The following TET1 variants were observed in gnomAD, a reference collection of about 807,000 sequenced individuals.
TET1 encodes the protein tet methylcytosine dioxygenase 1.
Under a neutral mutation model 148.7 loss-of-function variants are expected in TET1, and 13 were observed. The observed-to-expected ratio is 0.09, with a 90% confidence interval of 0.06 to 0.14. The LOEUF is 0.14. TET1 is among the 10% of genes least tolerant of loss of function. The pLI is 1.00. For synonymous variants in TET1, 907 were observed against 937.2 expected (o/e 0.97, Z 0.59); for missense variants, 2,182 against 2,553.8 (o/e 0.85, Z 3.14).
intron 2 of TET1, 66 bp downstream of exon 2, chr10:68,574,318 A>G: frequency 7.7e-7 from 1 of 1,291,642 alleles, no homozygotes; most frequent in Non-Finnish European, 1.1e-6. Flanking sequence ...ATGCAGAGAC[A>G]CTTCTAGTGT....
intron 4 of TET1, among the ~76,000 whole-genome samples, chr10:68,648,740 C>A (rs1209432975): frequency 6.6e-6 from 1 of 152,152 alleles, no homozygotes; most frequent in East Asian, 1.9e-4. Context: ...AATATCCTTC[C>A]ATTTCTCTGC....
intron 2 of TET1, among the ~76,000 whole-genome samples, chr10:68,576,827 C>T (rs2053736390): frequency 6.6e-6 from 1 of 151,982 alleles, no homozygotes; most frequent in Admixed American, 6.6e-5. Flanking sequence ...GCAACTTCTC[C>T]CTCCCAAGTT....
At chr10:68,669,482 T>TTTTTC (rs1301842017) in intron 7 of TET1, among the ~76,000 whole-genome samples, 1 of 143,344 alleles carries the variant, frequency 7.0e-6, no homozygotes, top group African/African-American at 2.6e-5. Flanking sequence ...AGCTTTTTTT[T>TTTTTC]TTTTTTTTTT....
intron 1 of TET1, among the ~76,000 whole-genome samples, chr10:68,569,316 G>A (rs1000868629): frequency 1.3e-5 from 2 of 151,820 alleles, no homozygotes; most frequent in Admixed American, 6.6e-5. Flanking sequence ...GGGACTACAG[G>A]TGCCCGCCAC....
At chr10:68,598,283 C>T (rs1234448176) in intron 2 of TET1, among the ~76,000 whole-genome samples, 2 of 152,120 alleles carry the variant, frequency 1.3e-5, no homozygotes, top group Non-Finnish European at 2.9e-5. Flanking sequence ...CCCAGCTACT[C>T]GGGAGACTGA....
intron 3 of TET1, among the ~76,000 whole-genome samples, chr10:68,637,832 A>G (rs1257688408): frequency 6.6e-6 from 1 of 151,426 alleles, no homozygotes; most frequent in Non-Finnish European, 1.5e-5. Context: ...TGGCGCCACT[A>G]CACTCCAGCA....
intron 10 of TET1, 107 bp downstream of exon 10, chr10:68,683,080 T>C: frequency 7.5e-7 from 1 of 1,335,778 alleles, no homozygotes; most frequent in South Asian, 1.4e-5. Context: ...TCTTAATTTA[T>C]GTGTTATTAG....
chr10:68,646,123 C>T lies in TET1; in HGVS notation c.3394C>T (p.His1132Tyr), dbSNP rs1204024569. Residue 1132 changes from histidine (H) to tyrosine (Y), a missense_variant, in exon 4 of 12, where the codon CAC (histidine) becomes TAC (tyrosine). His to Tyr is a moderately conservative substitution (Grantham distance 83, BLOSUM62 2). Around this residue, in one of 11 missense-constraint regions of TET1, gnomAD observed 582 missense variants for 599.5 expected, o/e 0.97. Transcript: ENST00000373644. ...TIQQKPPSSVHNNHGSSLTKQ... is the reference protein window; with the variant it reads ...TIQQKPPSSVYNNHGSSLTKQ... ...ACAACAGAAACCACCTTCAAGTGTA[C>T]ACAATAATCATGGTTCATCATTAAC... 6.2e-7 allele frequency: 1 copy of T among 1,613,502 alleles called. No individual in the cohort carries two copies. The highest frequency in any genetic ancestry group is 8.5e-7 in the Non-Finnish European group (1 of 1,179,906).
rs1164960678 is a variant in TET1 at position 68,692,746 on chromosome 10, G to A, written c.*932G>A. The A allele has an allele frequency of 3.0e-5, 7 of 230,772 alleles. No individual in the cohort carries two copies. Among genetic ancestry groups the A allele is most frequent in the Non-Finnish European group, 2.6e-5 (3 of 116,732 alleles). 14.3% of individuals were successfully genotyped at this position (230,772 alleles called of 1,614,324 possible). ...ACATTCTCTTTGGAACTAGGTAAGA[G>A]TGGTCTCTTCTTATTGAACAACCTC... On this transcript the variant is annotated 3_prime_UTR_variant, in exon 12 of 12. Transcript: ENST00000373644.
chr10:68,576,576 C>T (rs67117966), intron 2 of TET1, among the ~76,000 whole-genome samples: 43,678 of 151,784 alleles, frequency 0.29, 7,677 homozygotes, highest in Middle Eastern at 0.43. Flanking sequence ...GTGAGAGGAT[C>T]GCCTGATCCT....
At chr10:68,688,618 TTAG>T (rs2055549779) in intron 11 of TET1, among the ~76,000 whole-genome samples, 1 of 151,884 alleles carries the variant, frequency 6.6e-6, no homozygotes, top group Non-Finnish European at 1.5e-5. Context: ...TTATATATTT[TTAG>T]TAGAGATGGG....
intron 2 of TET1, among the ~76,000 whole-genome samples, chr10:68,576,226 C>T (rs2053729383): frequency 6.6e-6 from 1 of 151,704 alleles, no homozygotes; most frequent in African/African-American, 2.4e-5. Context: ...TGGTGCATGC[C>T]TGTAGTCCAA....
chr10:68,598,441 A>T (rs925519260), intron 2 of TET1, among the ~76,000 whole-genome samples: 4 of 152,040 alleles, frequency 2.6e-5, no homozygotes, highest in Non-Finnish European at 4.4e-5. Flanking sequence ...TCACAATTTA[A>T]AAAAAAATCA....
At chr10:68,613,371 A>G (rs1280792022) in intron 3 of TET1, among the ~76,000 whole-genome samples, 1 of 152,176 alleles carries the variant, frequency 6.6e-6, no homozygotes, top group Non-Finnish European at 1.5e-5. Context: ...CTGACAGTAA[A>G]TTTCAGTAAG....
intron 6 of TET1, among the ~76,000 whole-genome samples, chr10:68,661,880 C>CTTTTTTTTT (rs56047246): frequency 9.0e-6 from 1 of 111,126 alleles, no homozygotes; most frequent in African/African-American, 3.2e-5. Flanking sequence ...AATTTTTTTT[C>CTTTTTTTTT]TTTTTTTTTT....
At position 68,652,572 on chromosome 10, in the gene TET1, A is replaced by T. The variant is rs776116597; in HGVS notation, c.4439A>T (p.His1480Leu). 1.2e-6 allele frequency: 2 copies of T among 1,610,492 alleles called. No homozygotes were observed. Among genetic ancestry groups the T allele is most frequent in the East Asian group, 4.5e-5 (2 of 44,732 alleles). The change falls in exon 6 of 12, where the codon CAT (histidine) becomes CTT (leucine). Residue 1480 changes from histidine (H) to leucine (L), a missense_variant. Transcript: ENST00000373644. ...VYTGKEGKSS[H>L]GCPIAKWVLR... Reference sequence around the variant, plus strand: ...ACCGGTAAAGAAGGGAAAAGCTCTCATGGGTGTCCAATTGCTAAGTGGGTA... The same window carrying T: ...ACCGGTAAAGAAGGGAAAAGCTCTCTTGGGTGTCCAATTGCTAAGTGGGTA...
intron 3 of TET1, among the ~76,000 whole-genome samples, chr10:68,627,819 C>G (rs534644169): frequency 5.9e-5 from 9 of 151,840 alleles, no homozygotes; most frequent in Non-Finnish European, 1.0e-4. Context: ...GCCTGTAATC[C>G]CAGCGACTTG....
chr10:68,628,397 A>C (rs1445072290), intron 3 of TET1, among the ~76,000 whole-genome samples: 2 of 152,252 alleles, frequency 1.3e-5, no homozygotes, highest in African/African-American at 4.8e-5. Context: ...AGTTTTCTAC[A>C]TGATTATGCC....
intron 2 of TET1, among the ~76,000 whole-genome samples, chr10:68,594,028 C>T (rs1237490752): frequency 2.9e-5 from 4 of 137,828 alleles, no homozygotes; most frequent in South Asian, 2.5e-4. Flanking sequence ...TGGGTTCAAG[C>T]GATTCTCCTG....
Sources: gnomAD v4.1 joint callset for allele counts (sites outside exome capture counted in the v4.1 genomes callset) on GRCh38, gnomAD v4.1.1 for gene constraint, gnomAD v4.1.1 regional missense constraint, MANE v1.5 for transcripts, NCBI Gene and HGNC (gene_info 2026-07-23, HGNC 2026-07-21) for gene names.